NACA: variants seen among roughly 807,000 people sequenced by gnomAD.
The protein encoded by NACA is nascent polypeptide associated complex subunit alpha, also known as nascent polypeptide-associated complex subunit alpha.
A neutral mutation model predicts 86.4 loss-of-function variants in NACA; 42 were observed. The ratio of observed to expected loss-of-function variants is 0.49; its 90% confidence interval spans 0.38 to 0.63. The LOEUF (loss-of-function observed/expected upper bound fraction) is 0.63. Ranked by LOEUF, NACA falls within the 20% of genes least tolerant of loss-of-function variation. The pLI is 0.00. For synonymous variants in NACA, 898 were observed against 973.7 expected, an observed-to-expected ratio of 0.92 and a Z score of 1.45; for missense variants, 2,157 against 2,483.6, an observed-to-expected ratio of 0.87 and a Z score of 2.80.
chr12:56,715,496 T>C (rs1953327647), intron 3 of NACA, among the ~76,000 whole-genome samples: 1 of 152,058 alleles, frequency 6.6e-6, no homozygotes, highest in Non-Finnish European at 1.5e-5. Flanking sequence ...TTTTACCAAA[T>C]CTCAGGCCCA....
chr12:56,719,791 G>A lies in NACA; in HGVS notation c.1739C>T (p.Pro580Leu), dbSNP rs1394468169. The A allele has an allele frequency of 1.2e-6, 2 of 1,613,698 alleles. No homozygotes were observed. The highest frequency in any genetic ancestry group is 1.3e-5 in the African/African-American group (1 of 74,856). The change falls in exon 3 of 9, where the codon CCA (proline) becomes CTA (leucine). Residue 580 changes from proline to leucine, a missense_variant. Physicochemically the swap from Pro to Leu is moderately conservative, Grantham distance 98 (BLOSUM62 -3). Around this residue, in one of 8 missense-constraint regions of NACA, gnomAD observed 947 missense variants for 917.9 expected, o/e 1.03. Transcript: ENST00000454682. ...SPSFQSTSSS[P>L]EIPLSPEATL... ...GGCTTCAGGAGAAAGAGGTATCTCT[G>A]GAGAAGAGGATGTACTTTGGAAAGA...
chr12:56,713,406 GT>G, intron 6 of NACA, 130 bp downstream of exon 6: 4 of 1,337,828 alleles, frequency 3.0e-6, no homozygotes, highest in South Asian at 1.4e-5. Context: ...TGGCAATGGA[GT>G]TTTTGGGTAA....
chr12:56,719,887 TG>T lies in NACA; in HGVS notation c.1642del (p.Gln548LysfsTer15), dbSNP rs1953523275. 1 of 1,613,754 alleles carries T rather than the reference TG, an allele frequency of 6.2e-7. No individual in the cohort carries two copies. Among genetic ancestry groups the T allele is most frequent in the African/African-American group, 1.3e-5 (1 of 74,882 alleles). ...SLEGAPFSPA[Q>X]AGLTTKKDPT... ...GTCTTTCTTGGTGGTGAGTCCTGCT[TG>T]GGCTGGAGAGAAAGGGGCTCCTTCA... On this transcript the variant is annotated frameshift_variant, in exon 3 of 9. Coordinates refer to ENST00000454682, the MANE Select transcript of NACA (RefSeq NM_001365896.1). LOFTEE classifies it high-confidence loss of function.
At chr12:56,723,250 G>A (rs1256202462) in intron 2 of NACA, among the ~76,000 whole-genome samples, 1 of 152,118 alleles carries the variant, frequency 6.6e-6, no homozygotes, top group Non-Finnish European at 1.5e-5. Context: ...AGCCTACTAT[G>A]CAACTCAGAC....
At position 56,717,162 on chromosome 12, in the gene NACA, T is replaced by C. The variant is rs543739737; in HGVS notation, c.4368A>G (p.Pro1456=). The change falls in exon 3 of 9, where the codon CCA becomes CCG. Residue 1456 remains proline (P), a synonymous_variant. Coordinates refer to ENST00000454682, the MANE Select transcript of NACA (RefSeq NM_001365896.1). ...GATCCCCTTTGGAGGATGGGGTAGC[T>C]GGGCCTCCTTTGGGGGCTGAAGTTG... ...APATSAPKGG[P]ATPSSKGDPT... The C allele has an allele frequency of 8.5e-5, 108 of 1,274,714 alleles. No individual in the cohort carries two copies. The Middle Eastern group carries it at 1.1e-3, about 13-fold the overall frequency. 79.0% of individuals were successfully genotyped at this position (1,274,714 alleles called of 1,614,324 possible).
Position 56,716,690 on chromosome 12 carries a change from G to A in NACA, c.4840C>T (p.Pro1614Ser), listed in dbSNP as rs1028527897. 4.9e-6 allele frequency: 7 copies of A among 1,418,290 alleles called. No homozygotes were observed. The African/African-American group carries it at 7.2e-5, about 15-fold the overall frequency. The allele number at this position is 1,418,290 out of a possible 1,614,324, so 87.9% of individuals were successfully genotyped here. The change falls in exon 3 of 9, where the codon CCT (proline) becomes TCT (serine). Residue 1614 changes from proline to serine, a missense_variant. Pro to Ser is a moderately conservative substitution (Grantham distance 74, BLOSUM62 -1). This residue lies in a region of NACA where 797 missense variants were observed against 777.6 expected (regional missense o/e 1.02). Coordinates refer to ENST00000454682, the MANE Select transcript of NACA (RefSeq NM_001365896.1). ...GGAGGAGTCACAGCTGGAGGAGTAG[G>A]TGCCTCTTTGGGGGAAGGAGAAGTC... The part of the protein sequence containing the change: ...AVTSPSPKEA[P>S]TPPAVTPPSP...
chr12:56,717,230 T>G lies in NACA; in HGVS notation c.4300A>C (p.Thr1434Pro). ...GAGACAGGAGTCACTGCTGGGGGAG[T>G]GAGATCTCCTTTGGATGGGGTGGCT... ...GAATPSKGDL[T>P]PPAVTPVSLK... Residue 1434 changes from threonine (T) to proline (P), a missense_variant, in exon 3 of 9, where the codon ACT (threonine) becomes CCT (proline). Transcript: ENST00000454682. 6 of 1,291,630 alleles carry G rather than the reference T, an allele frequency of 4.6e-6. No homozygotes were observed. The highest frequency in any genetic ancestry group is 3.1e-5 in the South Asian group (2 of 64,142). 80.0% of individuals were successfully genotyped at this position (1,291,630 alleles called of 1,614,324 possible).
intron 6 of NACA, 34 bp from the exon 7 acceptor site, chr12:56,713,224 GATT>G: frequency 6.2e-7 from 1 of 1,607,946 alleles, no homozygotes; most frequent in Non-Finnish European, 8.5e-7. Context: ...CATGTGAGTA[GATT>G]AGCAGTCTTT....
Position 56,717,473 on chromosome 12 carries a change from T to C in NACA, c.4057A>G (p.Thr1353Ala), listed in dbSNP as rs753570823. The change falls in exon 3 of 9, where the codon ACT becomes GCT. Residue 1353 changes from threonine to alanine, a missense_variant. Physicochemically the swap from Thr to Ala is moderately conservative, Grantham distance 58. Around this residue, in one of 8 missense-constraint regions of NACA, gnomAD observed 797 missense variants for 777.6 expected, o/e 1.02. Transcript: ENST00000454682. ...GTTGGGCCTCCTTTAGAGGAGGGAG[T>C]TGTAGCTGGGAGAGTAGGGGTCCCT... ...PKGTPTLPAT[T>A]PSSKGGPTTP... 7.7e-7 allele frequency: 1 copy of C among 1,301,522 alleles called. No homozygotes were observed. Among genetic ancestry groups the C allele is most frequent in the African/African-American group, 1.8e-5 (1 of 56,302 alleles). 80.6% of individuals were successfully genotyped at this position (1,301,522 alleles called of 1,614,324 possible). A position where few individuals can be genotyped will look rare whatever the true frequency, so the allele number is the denominator to read the frequency against.
At position 56,722,406 on chromosome 12, in the gene NACA, A is replaced by G. The variant is rs138705468; in HGVS notation, c.71-947T>C. 2.4e-4 allele frequency among the ~76,000 whole-genome samples: 36 copies of G among 152,278 alleles called. No homozygotes were observed. In the East Asian group the frequency reaches 6.9e-3, roughly 29 times the overall value. ...TGCTATTTTGGAAGAAGAGAATTGG[A>G]GAGCCTGTAACAGTGGCTCATGCCT... is the stretch of plus-strand genomic sequence containing the variant. On this transcript the variant is annotated intron_variant, in intron 2 of 8. Transcript: ENST00000454682.
In NACA at chr12:56,716,181, A is replaced by AAACC; in HGVS notation, c.5348_5349insGGTT (p.Lys1784ValfsTer2). 1 of 1,613,734 alleles carries AAACC rather than the reference A, an allele frequency of 6.2e-7. No homozygotes were observed. Among genetic ancestry groups the AAACC allele is most frequent in the Non-Finnish European group, 8.5e-7 (1 of 1,179,862 alleles). On this transcript the variant is annotated frameshift_variant, in exon 3 of 9. Transcript: ENST00000454682. LOFTEE classifies it high-confidence loss of function. Reference sequence around the variant, plus strand: ...CAGAGACAGATGCTGATTCAGGTTTAGGAAGGACCTTCTCAAAGGCAGCTG... The same window carrying AAACC: ...CAGAGACAGATGCTGATTCAGGTTTAAACCGGAAGGACCTTCTCAAAGGCAGCTG...
chr12:56,718,235 G>A lies in NACA; in HGVS notation c.3295C>T (p.Pro1099Ser). 8.7e-7 allele frequency: 1 copy of A among 1,142,940 alleles called. No homozygotes were observed. The highest frequency in any genetic ancestry group is 1.1e-6 in the Non-Finnish European group (1 of 914,498). 70.8% of individuals were successfully genotyped at this position (1,142,940 alleles called of 1,614,324 possible). A position where few individuals can be genotyped will look rare whatever the true frequency, so the allele number is the denominator to read the frequency against. ...SPKGGPATPS[P>S]KGAPMPPAAT... ...GCTGGGGGCATGGGGGCCCCTTTGG[G>A]GGATGGGGTAGCTGGGCCTCCTTTT... The change falls in exon 3 of 9, where the codon CCC becomes TCC. Residue 1099 changes from proline (P) to serine (S), a missense_variant. Physicochemically the swap from Pro to Ser is moderately conservative, Grantham distance 74. Coordinates refer to ENST00000454682, the MANE Select transcript of NACA (RefSeq NM_001365896.1).
At position 56,719,450 on chromosome 12, in the gene NACA, T is replaced by C; in HGVS notation, c.2080A>G (p.Thr694Ala). 6.2e-7 allele frequency: 1 copy of C among 1,613,474 alleles called. No homozygotes were observed. Among genetic ancestry groups the C allele is most frequent in the Non-Finnish European group, 8.5e-7 (1 of 1,179,754 alleles). ...APKNHPVKEG[T>A]LTTLPLVPTA... ...GGAACCAAGGGTAAAGTAGTAAGAG[T>C]ACCTTCCTTAACTGGGTGGTTTTTA... The change falls in exon 3 of 9, where the codon ACT (threonine) becomes GCT (alanine). Residue 694 changes from threonine (T) to alanine (A), a missense_variant. Thr to Ala is a moderately conservative substitution (Grantham distance 58). This residue lies in a region of NACA where 947 missense variants were observed against 917.9 expected (regional missense o/e 1.03). Transcript: ENST00000454682.
At chr12:56,724,570 T>C (rs1433262122) in intron 1 of NACA, 47 bp from the exon 2 acceptor site, 1 of 1,564,176 alleles carries the variant, frequency 6.4e-7, no homozygotes, top group Non-Finnish European at 8.7e-7. Flanking sequence ...TGGGATACAT[T>C]CACTTGCCCA....
Position 56,720,637 on chromosome 12 carries a change from G to C in NACA, c.893C>G (p.Pro298Arg). The C allele has an allele frequency of 6.2e-7, 1 of 1,613,946 alleles. No homozygotes were observed. Among genetic ancestry groups the C allele is most frequent in the South Asian group, 1.1e-5 (1 of 91,078 alleles). ...GCCCAGAGAAATGGGAAAATCTGGG[G>C]GGGTGTTGGGACCCGCAGTCTTTTG... The part of the protein sequence containing the change: ...SSQKTAGPNT[P>R]PDFPISLGSH... Residue 298 changes from proline to arginine, a missense_variant, in exon 3 of 9, where the codon CCC (proline) becomes CGC (arginine). Physicochemically the swap from Pro to Arg is moderately radical, Grantham distance 103. Around this residue, in one of 8 missense-constraint regions of NACA, gnomAD observed 947 missense variants for 917.9 expected, o/e 1.03. Coordinates refer to ENST00000454682, the MANE Select transcript of NACA (RefSeq NM_001365896.1).
At position 56,721,054 on chromosome 12, in the gene NACA, G is replaced by T. The variant is rs752392098; in HGVS notation, c.476C>A (p.Thr159Asn). Reference sequence around the variant, plus strand: ...AGCTACAGCCACTGAAGGAGGTGAAGTAAGAAGGTTAGGTGGAAAAGCAGA... The same window carrying T: ...AGCTACAGCCACTGAAGGAGGTGAATTAAGAAGGTTAGGTGGAAAAGCAGA... The part of the protein sequence containing the change: ...KSSAFPPNLL[T>N]SPPSVAVAES... Residue 159 changes from threonine (T) to asparagine (N), a missense_variant, in exon 3 of 9, where the codon ACT becomes AAT. This residue lies in a region of NACA where 947 missense variants were observed against 917.9 expected (regional missense o/e 1.03). Coordinates refer to ENST00000454682, the MANE Select transcript of NACA (RefSeq NM_001365896.1). The T allele has an allele frequency of 1.2e-6, 2 of 1,613,838 alleles. No individual in the cohort carries two copies. Among genetic ancestry groups the T allele is most frequent in the African/African-American group, 2.7e-5 (2 of 74,904 alleles).
intron 1 of NACA, chr12:56,724,930 G>GT (rs904782161): frequency 1.0e-5 from 2 of 198,352 alleles, no homozygotes; most frequent in African/African-American, 4.7e-5. Flanking sequence ...AGGGAGAACG[G>GT]TGTTACAGGT....
chr12:56,722,509 G>A (rs1158174317), intron 2 of NACA, among the ~76,000 whole-genome samples: 1 of 152,204 alleles, frequency 6.6e-6, no homozygotes, highest in Non-Finnish European at 1.5e-5. Flanking sequence ...CCAACATGGT[G>A]AAACCCCGTC....
rs1291674659 is a variant in NACA at position 56,719,392 on chromosome 12, G to GA, written c.2137dup (p.Ser713PhefsTer17). On this transcript the variant is annotated frameshift_variant, in exon 3 of 9. Transcript: ENST00000454682. LOFTEE classifies it high-confidence loss of function. ...CAGAGGAGCACAGGTATTCTGGGGG[G>GA]ATGGAGCCACAGGGCAATTTTCTGA... 1.2e-6 allele frequency: 2 copies of GA among 1,611,512 alleles called. No homozygotes were observed. Among genetic ancestry groups the GA allele is most frequent in the East Asian group, 4.5e-5 (2 of 44,860 alleles).
Sources: gnomAD v4.1 joint callset for allele counts (sites outside exome capture counted in the v4.1 genomes callset) on GRCh38, gnomAD v4.1.1 for gene constraint, gnomAD v4.1.1 regional missense constraint, MANE v1.5 for transcripts, NCBI Gene and HGNC (gene_info 2026-07-23, HGNC 2026-07-21) for gene names.